PRKN: variants seen among roughly 807,000 people sequenced by gnomAD.
PRKN encodes the protein parkin RBR E3 ubiquitin protein ligase.
In PRKN, 56 loss-of-function variants were observed where a neutral mutation model predicts 59.5. The ratio of observed to expected loss-of-function variants is 0.94; its 90% CI spans 0.76 to 1.18. The LOEUF is 1.18. Ranked by LOEUF, PRKN falls within the 50% of genes most tolerant of loss-of-function variation. The pLI, the probability that PRKN is intolerant of heterozygous loss-of-function variation, is 0.00. For synonymous variants in PRKN, 250 were observed against 222.1 expected (o/e 1.13, Z -1.12); for missense variants, 657 against 596.4 (o/e 1.10, Z -1.06).
intron 9 of PRKN, among the ~76,000 whole-genome samples, chr6:161,389,511 A>C (rs73021293): frequency 0.1 from 15,612 of 152,268 alleles, 940 homozygotes; most frequent in Middle Eastern, 0.19. Flanking sequence ...ACAAATCACC[A>C]ACATTACCTG....
At chr6:161,835,618 G>A (rs914692931) in intron 6 of PRKN, among the ~76,000 whole-genome samples, 6 of 152,294 alleles carry the variant, frequency 3.9e-5, no homozygotes, top group East Asian at 1.9e-4. Context: ...TTTCCACGCC[G>A]GGGATAGGCG....
At chr6:162,338,942 C>A (rs1365493748) in intron 2 of PRKN, among the ~76,000 whole-genome samples, 4 of 149,838 alleles carry the variant, frequency 2.7e-5, no homozygotes, top group Admixed American at 1.3e-4. Context: ...TGCCCGGCCG[C>A]GACCCCGTCT....
Position 162,443,262 on chromosome 6 carries a change from G to A in PRKN, c.171+48C>T, listed in dbSNP as rs376179201. The A allele has an allele frequency of 1.4e-5, 23 of 1,595,276 alleles. 1 individual carries two copies. Among genetic ancestry groups the A allele is most frequent in the Admixed American group, 8.3e-5 (5 of 59,954 alleles). ...CAGATTGGCAGCGCAGGCGGCATGA[G>A]CAATGGAGCTGGCGGCATCCCAAGA... On this transcript the variant is annotated intron_variant, in intron 2 of 11. Transcript: ENST00000366898.
rs1491495272 is a variant in PRKN at position 161,680,776 on chromosome 6, T to TATATATTTTG, written c.871+104995_871+104996insCAAAATATAT. ...ATATATATATATATATATATATATATTTTTTTTTTTTTTTCTTTTCCTAAA... is the reference window on the plus strand; with the variant it reads ...ATATATATATATATATATATATATATATATATTTTGTTTTTTTTTTTTTTCTTTTCCTAAA... On this transcript the variant is annotated intron_variant, in intron 7 of 11. Coordinates refer to ENST00000366898, the MANE Select transcript of PRKN (RefSeq NM_004562.3). Among the ~76,000 whole-genome samples, 20 of 18,940 alleles carry TATATATTTTG rather than the reference T, an allele frequency of 1.1e-3. 1 individual carries two copies. Among genetic ancestry groups the TATATATTTTG allele is most frequent in the Admixed American group, 2.9e-3 (4 of 1,392 alleles). The allele number at this position is 18,940 out of a possible 152,430, so 12.4% of individuals were successfully genotyped here. A position where few individuals can be genotyped will look rare whatever the true frequency, so the allele number is the denominator to read the frequency against.
At chr6:162,490,358 GAAAT>G (rs1167692709) in intron 1 of PRKN, among the ~76,000 whole-genome samples, 2 of 152,040 alleles carry the variant, frequency 1.3e-5, no homozygotes, top group Non-Finnish European at 2.9e-5. Flanking sequence ...CTTCACAGAA[GAAAT>G]AAACATTTCA....
intron 1 of PRKN, among the ~76,000 whole-genome samples, chr6:162,723,600 G>A (rs1779017592): frequency 6.6e-6 from 1 of 152,218 alleles, no homozygotes; most frequent in South Asian, 2.1e-4. Flanking sequence ...TGTATTAGTG[G>A]AGGCTTTAGA....
intron 4 of PRKN, among the ~76,000 whole-genome samples, chr6:162,137,788 G>A (rs1233742317): frequency 2.6e-5 from 4 of 152,168 alleles, no homozygotes; most frequent in South Asian, 2.1e-4. Context: ...GCAGAGCCCC[G>A]ATGGCTTATC....
intron 6 of PRKN, among the ~76,000 whole-genome samples, chr6:161,855,961 G>A (rs1893097): frequency 0.5 from 75,710 of 152,028 alleles, 19,096 homozygotes; most frequent in East Asian, 0.76. Flanking sequence ...TAGTTCATCA[G>A]GTTAACAGAC....
At chr6:162,685,556 AG>A (rs1326091584) in intron 1 of PRKN, among the ~76,000 whole-genome samples, 1 of 152,220 alleles carries the variant, frequency 6.6e-6, no homozygotes, top group Non-Finnish European at 1.5e-5. Context: ...GACATTAAAA[AG>A]TGAAAAATCA....
chr6:161,747,583 C>T (rs570453537), intron 7 of PRKN, among the ~76,000 whole-genome samples: 2 of 152,238 alleles, frequency 1.3e-5, no homozygotes, highest in South Asian at 2.1e-4. Context: ...GTAGAAAACA[C>T]GTGGGCACGA....
chr6:161,757,833 ATCTCTCTCTCTCTC>A (rs748787015), intron 7 of PRKN, among the ~76,000 whole-genome samples: 6 of 37,626 alleles, frequency 1.6e-4, no homozygotes, highest in Admixed American at 5.1e-4. Flanking sequence ...GCAAAACTCC[ATCTCTCTCTCTCTC>A]TCTCTCTCTC....
At chr6:162,279,209 G>A (rs867670853) in intron 2 of PRKN, among the ~76,000 whole-genome samples, 9 of 151,768 alleles carry the variant, frequency 5.9e-5, no homozygotes, top group South Asian at 4.2e-4. Flanking sequence ...GTGGTGGCAG[G>A]AGCCTGTAAT....
chr6:161,475,051 T>C lies in PRKN; in HGVS notation c.1083+73803A>G, dbSNP rs1247738301. Among the ~76,000 whole-genome samples the C allele has an allele frequency of 1.3e-5, 2 of 150,584 alleles. No individual in the cohort carries two copies. The highest frequency in any genetic ancestry group is 4.9e-5 in the African/African-American group (2 of 40,824). On this transcript the variant is annotated intron_variant, in intron 9 of 11. Coordinates refer to ENST00000366898, the MANE Select transcript of PRKN (RefSeq NM_004562.3). This position sits in a 1 kb window ranked among gnomAD's most constrained non-coding sequence, Gnocchi z 5.3. ...TCCCAAGTAGCTGGGACTACAGGCATGCACCACCATGCCCAGCTAATTTTT... is the reference window on the plus strand; with the variant it reads ...TCCCAAGTAGCTGGGACTACAGGCACGCACCACCATGCCCAGCTAATTTTT...
intron 9 of PRKN, among the ~76,000 whole-genome samples, chr6:161,506,614 C>T (rs907452941): frequency 2.6e-5 from 4 of 152,102 alleles, no homozygotes; most frequent in Non-Finnish European, 4.4e-5. Context: ...GGGTCACAGG[C>T]GAGTGAGACA....
rs1300536750 is a variant in PRKN at position 161,546,589 on chromosome 6, C to G, written c.1083+2265G>C. On this transcript the variant is annotated intron_variant, in intron 9 of 11. Transcript: ENST00000366898. The surrounding 1 kb of genome is among the most constrained non-coding windows in gnomAD (Gnocchi z 4.4). Reference sequence around the variant, plus strand: ...CAGTGCATCCTTTAGAAAATCACTTCTCTGTTCTTTTTTCAGCTTCTTCAA... The same window carrying G: ...CAGTGCATCCTTTAGAAAATCACTTGTCTGTTCTTTTTTCAGCTTCTTCAA... Among the ~76,000 whole-genome samples the G allele has an allele frequency of 6.6e-6, 1 of 152,138 alleles. No individual in the cohort carries two copies. Among genetic ancestry groups the G allele is most frequent in the Non-Finnish European group, 1.5e-5 (1 of 68,032 alleles).
chr6:161,929,818 T>C (rs987799946), intron 6 of PRKN, among the ~76,000 whole-genome samples: 1 of 152,082 alleles, frequency 6.6e-6, no homozygotes, highest in Non-Finnish European at 1.5e-5. Context: ...TGGTCTCACG[T>C]CAATTTTTTT....
At chr6:161,798,557 C>G (rs1408846531) in intron 6 of PRKN, among the ~76,000 whole-genome samples, 1 of 152,188 alleles carries the variant, frequency 6.6e-6, no homozygotes, top group Admixed American at 6.5e-5. Flanking sequence ...AAAGCACATA[C>G]AAAGCCTATT....
chr6:162,012,335 A>G (rs1782761391), intron 5 of PRKN, among the ~76,000 whole-genome samples: 1 of 152,238 alleles, frequency 6.6e-6, no homozygotes, highest in Non-Finnish European at 1.5e-5. Flanking sequence ...TTCTCTATGT[A>G]CATTATATAG....
At position 161,548,634 on chromosome 6, in the gene PRKN, G is replaced by A. The variant is rs1463344012; in HGVS notation, c.1083+220C>T. 9.0e-6 allele frequency: 5 copies of A among 554,410 alleles called. No individual in the cohort carries two copies. The highest frequency in any genetic ancestry group is 1.6e-5 in the Non-Finnish European group (5 of 315,664). The allele number at this position is 554,410 out of a possible 1,614,324, so 34.3% of individuals were successfully genotyped here. A position where few individuals can be genotyped will look rare whatever the true frequency, so the allele number is the denominator to read the frequency against. ...GTAAATACTTCCATAAGCAACCAAA[G>A]CAGAAAATCTTCATATAACTGTTTT... is the stretch of plus-strand genomic sequence containing the variant. On this transcript the variant is annotated intron_variant, in intron 9 of 11. Coordinates refer to ENST00000366898, the MANE Select transcript of PRKN (RefSeq NM_004562.3). The surrounding 1 kb of genome is among the most constrained non-coding windows in gnomAD (Gnocchi z 4.2).
Sources: allele counts gnomAD v4.1 joint callset (sites outside exome capture counted in the v4.1 genomes callset), GRCh38; gene constraint gnomAD v4.1.1; non-coding constraint Gnocchi (gnomAD v3.1); transcripts MANE v1.5; gene names NCBI Gene and HGNC (gene_info 2026-07-23, HGNC 2026-07-21).